Variants in RTF2 observed in about 807,000 individuals in gnomAD.
RTF2 encodes the protein replication termination factor 2.
RTF2 carries 18 observed loss-of-function variants against 38.0 expected under a neutral mutation model. The ratio of observed to expected loss-of-function variants is 0.47; its 90% confidence interval spans 0.33 to 0.70. The LOEUF is 0.70. RTF2 is among the 30% of genes least tolerant of loss of function. RTF2 has a pLI of 0.02. For synonymous variants in RTF2, 126 were observed against 137.1 expected (o/e 0.92, Z 0.57); for missense variants, 311 against 379.6 (o/e 0.82, Z 1.50).
intron 5 of RTF2, among the ~76,000 whole-genome samples, chr20:56,487,743 A>C (rs536066798): frequency 1.8e-3 from 269 of 152,334 alleles, no homozygotes; most frequent in African/African-American, 6.2e-3. Flanking sequence ...CTAACGTCCA[A>C]AATCAAGGTG....
intron 2 of RTF2, among the ~76,000 whole-genome samples, chr20:56,473,724 A>C (rs993814462): frequency 6.6e-6 from 1 of 152,084 alleles, no homozygotes; most frequent in Non-Finnish European, 1.5e-5. Context: ...CCTCTACAAA[A>C]AAATTAAATT....
intron 4 of RTF2, among the ~76,000 whole-genome samples, chr20:56,477,562 A>C (rs766637743): frequency 1.2e-4 from 18 of 151,480 alleles, no homozygotes; most frequent in Non-Finnish European, 2.5e-4. Context: ...CTTTTTTTTT[A>C]AGTAGAAATA....
At chr20:56,497,417 G>C in intron 5 of RTF2, 1 of 1,546,654 alleles carries the variant, frequency 6.5e-7, no homozygotes. Flanking sequence ...TTGCAATTTA[G>C]GGGGCCGCCC....
At chr20:56,492,001 T>C (rs2146337854) in intron 5 of RTF2, among the ~76,000 whole-genome samples, 1 of 152,278 alleles carries the variant, frequency 6.6e-6, no homozygotes, top group Admixed American at 6.5e-5. Context: ...TAGTGATTTC[T>C]GAAATCTTTG....
chr20:56,472,818 T>C (rs1335753058), intron 1 of RTF2, among the ~76,000 whole-genome samples: 3 of 152,220 alleles, frequency 2.0e-5, no homozygotes, highest in Non-Finnish European at 4.4e-5. Flanking sequence ...GTTTATTTGA[T>C]GTAGTATTAA....
intron 5 of RTF2, among the ~76,000 whole-genome samples, chr20:56,499,117 A>G (rs1375172940): frequency 6.6e-6 from 1 of 152,166 alleles, no homozygotes; most frequent in Non-Finnish European, 1.5e-5. Flanking sequence ...CCACTGGTTC[A>G]GTAAATGGTT....
At chr20:56,491,690 G>C (rs1057028137) in intron 5 of RTF2, 4 of 1,552,278 alleles carry the variant, frequency 2.6e-6, no homozygotes, top group Non-Finnish European at 3.5e-6. Context: ...CGGGTCTGTC[G>C]AGGGTTCGAA....
In RTF2 at chr20:56,518,423, G is replaced by A. The variant is rs1314163889; in HGVS notation, c.*158G>A. 9 of 669,726 alleles carry A rather than the reference G, an allele frequency of 1.3e-5. No individual in the cohort carries two copies. Among genetic ancestry groups the A allele is most frequent in the African/African-American group, 3.7e-5 (2 of 54,446 alleles). The allele number at this position is 669,726 out of a possible 1,614,324, so 41.5% of individuals were successfully genotyped here. ...TCAAGCTGGTGTGGCCACTCTTGAT[G>A]TGAGGCGTGTCGGTTCCAGGGGGGA... On this transcript the variant is annotated 3_prime_UTR_variant, in exon 9 of 9. Coordinates refer to ENST00000357348, the MANE Select transcript of RTF2 (RefSeq NM_016407.5).
chr20:56,482,763 G>C (rs1949308204), intron 4 of RTF2, among the ~76,000 whole-genome samples: 1 of 152,172 alleles, frequency 6.6e-6, no homozygotes, highest in South Asian at 2.1e-4. Flanking sequence ...GAGAAAATTT[G>C]TCCTTTGGCA....
chr20:56,501,665 G>A (rs915170296), intron 5 of RTF2, among the ~76,000 whole-genome samples: 3 of 152,034 alleles, frequency 2.0e-5, no homozygotes, highest in Admixed American at 6.6e-5. Flanking sequence ...TAGCCTGGGC[G>A]ATGTAGTGAG....
chr20:56,500,979 T>TAAA (rs201207164), intron 5 of RTF2, among the ~76,000 whole-genome samples: 1 of 151,784 alleles, frequency 6.6e-6, no homozygotes, highest in East Asian at 1.9e-4. Flanking sequence ...CTTTTTTTTT[T>TAAA]AAAAAAAATC....
chr20:56,469,814 G>C (rs904501175), intron 1 of RTF2, among the ~76,000 whole-genome samples: 3 of 152,126 alleles, frequency 2.0e-5, no homozygotes, highest in African/African-American at 7.2e-5. Context: ...CTTTCATACT[G>C]TTCTAGCTAA....
intron 4 of RTF2, among the ~76,000 whole-genome samples, chr20:56,479,826 T>TC (rs1379615485): frequency 8.0e-5 from 5 of 62,416 alleles, no homozygotes; most frequent in Non-Finnish European, 1.7e-4. Context: ...ATCTTTTTTT[T>TC]TTTTTTTTTT....
intron 5 of RTF2, among the ~76,000 whole-genome samples, chr20:56,494,526 G>T (rs993406441): frequency 6.6e-6 from 1 of 152,144 alleles, no homozygotes; most frequent in Non-Finnish European, 1.5e-5. Context: ...TCTAAAGAAA[G>T]GGCAGAGCTC....
At chr20:56,480,375 G>T (rs1420768253) in intron 4 of RTF2, among the ~76,000 whole-genome samples, 1 of 152,192 alleles carries the variant, frequency 6.6e-6, no homozygotes, top group Non-Finnish European at 1.5e-5. Flanking sequence ...TTAGGGCCTT[G>T]CTCTGGGTTA....
intron 5 of RTF2, among the ~76,000 whole-genome samples, chr20:56,493,222 G>C (rs1162407535): frequency 6.6e-6 from 1 of 152,076 alleles, no homozygotes; most frequent in African/African-American, 2.4e-5. Flanking sequence ...AGGGGCAGGG[G>C]GATGTATGCA....
At chr20:56,491,694 G>A (rs1205714251) in intron 5 of RTF2, 1 of 1,552,138 alleles carries the variant, frequency 6.4e-7, no homozygotes, top group African/African-American at 1.4e-5. Flanking sequence ...TCTGTCGAGG[G>A]TTCGAATTTG....
At chr20:56,497,047 T>C (rs748545621) in intron 5 of RTF2, 1 of 1,551,708 alleles carries the variant, frequency 6.4e-7, no homozygotes, top group South Asian at 1.2e-5. Context: ...AGAACTTTCA[T>C]ACAATTAATA....
chr20:56,480,430 G>A (rs189435430), intron 4 of RTF2, among the ~76,000 whole-genome samples: 42 of 152,302 alleles, frequency 2.8e-4, no homozygotes, highest in African/African-American at 1.0e-3. Flanking sequence ...TTGATCTTCT[G>A]TCCAGGCCAC....
Sources: allele counts gnomAD v4.1 joint callset (sites outside exome capture counted in the v4.1 genomes callset), GRCh38; gene constraint gnomAD v4.1.1; transcripts MANE v1.5; gene names NCBI Gene and HGNC (gene_info 2026-07-23, HGNC 2026-07-21).